The following SSPN variants were observed in gnomAD, a reference collection of about 807,000 sequenced individuals.
The protein encoded by SSPN is K-ras oncogene-associated protein.
In SSPN, 15 loss-of-function variants were observed where a neutral mutation model predicts 19.1. The ratio of observed to expected loss-of-function variants is 0.78; its 90% CI spans 0.52 to 1.21. The LOEUF is 1.21. Ranked by LOEUF, SSPN falls within the 50% of genes most tolerant of loss-of-function variation. The pLI is 0.00. For synonymous variants in SSPN, 147 were observed against 140.3 expected, an observed-to-expected ratio of 1.05 and a Z score of -0.34; for missense variants, 291 against 314.0, an observed-to-expected ratio of 0.93 and a Z score of 0.55.
chr12:26,178,834 T>C (rs1330591806), intron 1 of SSPN, among the ~76,000 whole-genome samples: 3 of 152,206 alleles, frequency 2.0e-5, no homozygotes, highest in African/African-American at 7.2e-5. Flanking sequence ...AGTTTAAAGA[T>C]ATATTCTCTT....
At chr12:26,200,238 G>A (rs562657834) in intron 1 of SSPN, among the ~76,000 whole-genome samples, 75 of 152,264 alleles carry the variant, frequency 4.9e-4, no homozygotes, top group African/African-American at 1.7e-3. Flanking sequence ...TAAGGCAAGG[G>A]CTTAAAAGAA....
At chr12:26,216,105 A>G (rs1945045890) in intron 1 of SSPN, among the ~76,000 whole-genome samples, 2 of 152,230 alleles carry the variant, frequency 1.3e-5, no homozygotes. Context: ...GTATATTAGT[A>G]GTAGTAGTAT....
At chr12:26,177,999 A>G (rs1475188257) in intron 1 of SSPN, among the ~76,000 whole-genome samples, 1 of 152,206 alleles carries the variant, frequency 6.6e-6, no homozygotes, top group African/African-American at 2.4e-5. Flanking sequence ...TGACTGGCCT[A>G]TGGGTCAGGT....
intron 1 of SSPN, among the ~76,000 whole-genome samples, chr12:26,137,767 C>T (rs529916011): frequency 2.3e-4 from 34 of 145,244 alleles, no homozygotes; most frequent in Non-Finnish European, 4.0e-4. Flanking sequence ...TCTTTTCAAG[C>T]GATTCTCCTA....
chr12:26,167,917 AT>A (rs1049159362), intron 1 of SSPN, among the ~76,000 whole-genome samples: 20 of 152,300 alleles, frequency 1.3e-4, no homozygotes, highest in African/African-American at 4.6e-4. Flanking sequence ...GAAGGATGAA[AT>A]TAATAACAAG....
chr12:26,180,693 T>G lies in SSPN; in HGVS notation c.-30-43600T>G, dbSNP rs150525663. On this transcript the variant is annotated intron_variant, in intron 1 of 2. Coordinates refer to the SSPN transcript ENST00000538142. ...ATGCTGGTTTAAGATACACAAAAAC[T>G]TGAACAGTACTTGAGATCTTTTGAG... The G allele has an allele frequency of 2.4e-4, 36 of 151,506 alleles. No homozygotes were observed. The East Asian group carries it at 5.0e-3, about 21-fold the overall frequency. 9.4% of individuals were successfully genotyped at this position (151,506 alleles called of 1,614,324 possible).
upstream of SSPN, among the ~76,000 whole-genome samples, chr12:26,192,129 C>T (rs1483565205): frequency 6.6e-6 from 1 of 152,158 alleles, no homozygotes. Flanking sequence ...TTGAGATAGT[C>T]TGCAAAGATA....
chr12:26,123,915 G>GGA (rs1944337906), intron 1 of SSPN: 2 of 741,334 alleles, frequency 2.7e-6, no homozygotes, highest in Non-Finnish European at 4.7e-6. Context: ...CCTTCAGCTG[G>GGA]GAGCACCTAC....
chr12:26,231,017 T>G lies in SSPN; in HGVS notation c.673T>G (p.Tyr225Asp), dbSNP rs541896000. 6.2e-7 allele frequency: 1 copy of G among 1,614,214 alleles called. No individual in the cohort carries two copies. The highest frequency in any genetic ancestry group is 2.2e-5 in the East Asian group (1 of 44,884). Residue 225 changes from tyrosine to aspartate, a missense_variant, in exon 3 of 3, where the codon TAT (tyrosine) becomes GAT (aspartate). Physicochemically the swap from Tyr to Asp is radical, Grantham distance 160. Transcript: ENST00000242729. ...VMWKHRYQVFYVGVRICSLTA... is the reference protein window; with the variant it reads ...VMWKHRYQVFDVGVRICSLTA... ...GTGGAAACATAGGTACCAGGTCTTC[T>G]ATGTGGGTGTCAGGATATGCTCCCT...
chr12:26,149,856 T>A (rs1341869854), intron 1 of SSPN, among the ~76,000 whole-genome samples: 3 of 151,948 alleles, frequency 2.0e-5, no homozygotes, highest in African/African-American at 7.3e-5. Context: ...CACCTGAAAT[T>A]TTTTTTTTAA....
At chr12:26,161,738 G>C (rs1330980263) in intron 1 of SSPN, among the ~76,000 whole-genome samples, 1 of 152,172 alleles carries the variant, frequency 6.6e-6, no homozygotes, top group Non-Finnish European at 1.5e-5. Context: ...TGGTGTGGGG[G>C]ATGGTTTTGG....
rs779327961 is a variant in SSPN at position 26,122,660 on chromosome 12, G to T, written c.-31+508G>T. ...CCGGGCCGCCGCCGCTGCCGCCGCC[G>T]CGGGAATCCAGCTTCATCCTCTTGG... On this transcript the variant is annotated intron_variant, in intron 1 of 2. Transcript: ENST00000538142. The T allele has an allele frequency of 2.9e-6, 4 of 1,396,558 alleles. 1 individual carries two copies. In the South Asian group the frequency reaches 6.1e-5, roughly 21 times the overall value. The allele number at this position is 1,396,558 out of a possible 1,614,324, so 86.5% of individuals were successfully genotyped here.
chr12:26,137,636 G>GTGTATATATATATATATATATA (rs1555175653), intron 1 of SSPN, among the ~76,000 whole-genome samples: 14 of 31,378 alleles, frequency 4.5e-4, no homozygotes, highest in African/African-American at 1.8e-3. Context: ...GTGTGTGTAT[G>GTGTATATATATATATATATATA]TATATATATA....
intron 1 of SSPN, among the ~76,000 whole-genome samples, chr12:26,212,933 T>C (rs1945006103): frequency 6.6e-6 from 1 of 152,014 alleles, no homozygotes; most frequent in South Asian, 2.1e-4. Flanking sequence ...TAGAGACAGA[T>C]TGTTACAATG....
intron 2 of SSPN, 66 bp from the exon 3 acceptor site, chr12:26,230,644 AT>A: frequency 6.6e-7 from 1 of 1,516,556 alleles, no homozygotes; most frequent in Admixed American, 2.1e-5. Context: ...GTTTTGATGA[AT>A]TCGCTTTGCA....
At chr12:26,200,803 T>C (rs1337714272) in intron 1 of SSPN, among the ~76,000 whole-genome samples, 1 of 151,710 alleles carries the variant, frequency 6.6e-6, no homozygotes, top group African/African-American at 2.4e-5. Context: ...GTCGCATCCC[T>C]GGTATCCCTG....
intron 1 of SSPN, among the ~76,000 whole-genome samples, chr12:26,202,359 G>A (rs994806136): frequency 6.6e-6 from 1 of 152,146 alleles, no homozygotes; most frequent in Non-Finnish European, 1.5e-5. Flanking sequence ...TAAGGAATGT[G>A]TTATTACTCC....
chr12:26,139,401 GTAA>G (rs1944446533), intron 1 of SSPN, among the ~76,000 whole-genome samples: 1 of 152,084 alleles, frequency 6.6e-6, no homozygotes, highest in African/African-American at 2.4e-5. Context: ...ACTAAATCAG[GTAA>G]TAATTTTCAC....
intron 2 of SSPN, among the ~76,000 whole-genome samples, chr12:26,226,077 C>A (rs142090375): frequency 8.8e-4 from 134 of 151,980 alleles, no homozygotes; most frequent in African/African-American, 3.1e-3. Context: ...TTTTTCCACC[C>A]GTGACAGGCA....
Sources: allele counts gnomAD v4.1 joint callset (sites outside exome capture counted in the v4.1 genomes callset), GRCh38; gene constraint gnomAD v4.1.1; transcripts MANE v1.5; gene names NCBI Gene and HGNC (gene_info 2026-07-23, HGNC 2026-07-21).